The following PTPRD variants were observed in gnomAD, a reference collection of about 807,000 sequenced individuals.
The protein encoded by PTPRD is protein tyrosine phosphatase receptor type D.
A neutral mutation model predicts 214.5 loss-of-function variants in PTPRD; 34 were observed. That is an observed-to-expected ratio of 0.16 (90% confidence interval 0.12 to 0.21). The LOEUF is 0.21. PTPRD is among the 10% of genes least tolerant of loss of function. The pLI is 1.00. For synonymous variants in PTPRD, 1,128 were observed against 845.7 expected (o/e 1.33, Z -5.79); for missense variants, 2,545 against 2,398.7 (o/e 1.06, Z -1.27).
intron 3 of PTPRD, among the ~76,000 whole-genome samples, chr9:10,268,184 G>A (rs1244508183): frequency 6.7e-6 from 1 of 149,892 alleles, no homozygotes; most frequent in African/African-American, 2.5e-5. Flanking sequence ...TAGCTACTCA[G>A]GAGGCTGATG....
At chr9:8,597,057 T>C (rs538483076) in intron 14 of PTPRD, among the ~76,000 whole-genome samples, 8 of 152,252 alleles carry the variant, frequency 5.3e-5, no homozygotes, top group Middle Eastern at 3.4e-3. Context: ...AATAAATCAA[T>C]TGTAACAGAA....
chr9:10,141,725 T>C (rs1010913301), intron 3 of PTPRD, among the ~76,000 whole-genome samples: 52 of 152,198 alleles, frequency 3.4e-4, no homozygotes, highest in Middle Eastern at 6.8e-3. Flanking sequence ...TAACAATGAC[T>C]TTCTTCACAG....
chr9:9,327,159 A>G (rs2184082), intron 9 of PTPRD, among the ~76,000 whole-genome samples: 112,649 of 152,082 alleles, frequency 0.74, 41,967 homozygotes, highest in East Asian at 0.91. Context: ...AAATTATTAA[A>G]CAGTAATCAC....
At chr9:8,519,757 G>T (rs2097853979) in intron 20 of PTPRD, among the ~76,000 whole-genome samples, 1 of 152,138 alleles carries the variant, frequency 6.6e-6, no homozygotes, top group Non-Finnish European at 1.5e-5. Context: ...TTGCCATTAA[G>T]ATTCACTCTT....
intron 2 of PTPRD, among the ~76,000 whole-genome samples, chr9:10,425,560 T>C (rs2098605847): frequency 1.3e-5 from 2 of 151,954 alleles, no homozygotes; most frequent in Admixed American, 6.6e-5. Context: ...TAAGAGTCCA[T>C]AATATCATGC....
chr9:8,888,510 G>T (rs1256132105), intron 11 of PTPRD, among the ~76,000 whole-genome samples: 5 of 152,128 alleles, frequency 3.3e-5, no homozygotes, highest in Non-Finnish European at 7.4e-5. Flanking sequence ...AAAACAAAAA[G>T]ATGACAAACA....
At chr9:8,997,195 T>G (rs2099400441) in intron 11 of PTPRD, among the ~76,000 whole-genome samples, 1 of 152,128 alleles carries the variant, frequency 6.6e-6, no homozygotes, top group African/African-American at 2.4e-5. Context: ...TTTTCATTAT[T>G]ATAAATAAAA....
At chr9:9,089,703 T>A (rs1193060338) in intron 10 of PTPRD, among the ~76,000 whole-genome samples, 1 of 152,198 alleles carries the variant, frequency 6.6e-6, no homozygotes, top group Non-Finnish European at 1.5e-5. Context: ...GATTTTATAA[T>A]GCAGAGTAAG....
chr9:8,578,646 T>G (rs1204131998), intron 14 of PTPRD, among the ~76,000 whole-genome samples: 1 of 152,116 alleles, frequency 6.6e-6, no homozygotes, highest in African/African-American at 2.4e-5. Flanking sequence ...CACACTAGCT[T>G]CAAGTATTTA....
chr9:9,426,441 C>A (rs2142953697), intron 8 of PTPRD, among the ~76,000 whole-genome samples: 1 of 152,290 alleles, frequency 6.6e-6, no homozygotes, highest in South Asian at 2.1e-4. Context: ...CACCGCAGCT[C>A]AAGGAGGCCT....
chr9:9,890,446 GC>G (rs1238182917), intron 5 of PTPRD, among the ~76,000 whole-genome samples: 4 of 151,978 alleles, frequency 2.6e-5, no homozygotes, highest in African/African-American at 7.2e-5. Context: ...CAATCTGCCT[GC>G]CTTGGCCTCC....
chr9:9,239,357 C>G (rs1215428834), intron 9 of PTPRD, among the ~76,000 whole-genome samples: 1 of 152,092 alleles, frequency 6.6e-6, no homozygotes, highest in Admixed American at 6.6e-5. Context: ...TTGTCAGCAT[C>G]AAATATAATA....
chr9:8,898,326 T>C (rs1258060228), intron 11 of PTPRD, among the ~76,000 whole-genome samples: 1 of 151,176 alleles, frequency 6.6e-6, no homozygotes. Context: ...AAGCAAAGAG[T>C]TGGGGATAGA....
chr9:9,118,698 T>C (rs1468045994), intron 10 of PTPRD, among the ~76,000 whole-genome samples: 11 of 152,174 alleles, frequency 7.2e-5, no homozygotes, highest in Non-Finnish European at 7.3e-5. Flanking sequence ...CTTGCAAGCA[T>C]AGACAGCTGA....
intron 5 of PTPRD, among the ~76,000 whole-genome samples, chr9:9,915,465 G>A (rs2080457914): frequency 6.6e-6 from 1 of 151,174 alleles, no homozygotes; most frequent in Non-Finnish European, 1.5e-5. Flanking sequence ...AGAGAATACA[G>A]ATAAACAATT....
At chr9:9,692,810 C>T (rs1048805799) in intron 7 of PTPRD, among the ~76,000 whole-genome samples, 9 of 151,686 alleles carry the variant, frequency 5.9e-5, no homozygotes, top group African/African-American at 1.9e-4. Context: ...TTTCTTTCAT[C>T]AGTGTTTTAT....
intron 3 of PTPRD, among the ~76,000 whole-genome samples, chr9:10,134,736 AC>A (rs2098929612): frequency 6.6e-6 from 1 of 152,154 alleles, no homozygotes; most frequent in African/African-American, 2.4e-5. Context: ...AACAAAAGCA[AC>A]TGCGAAAAGA....
Position 9,899,260 on chromosome 9 carries a change from G to A in PTPRD, c.-368+39247C>T, listed in dbSNP as rs1160754986. Among the ~76,000 whole-genome samples, 3 of 151,992 alleles carry A rather than the reference G, an allele frequency of 2.0e-5. 1 individual carries two copies. The South Asian group carries it at 6.2e-4, about 31-fold the overall frequency. On this transcript the variant is annotated intron_variant, in intron 5 of 45. Coordinates refer to ENST00000381196, the MANE Select transcript of PTPRD (RefSeq NM_002839.4). ...AGATCTAAATAATGGAGAGTGTGAA[G>A]AGAGACTATGAAATGGGAAAAAAGT...
At chr9:8,905,376 C>T (rs1199833592) in intron 11 of PTPRD, among the ~76,000 whole-genome samples, 2 of 151,664 alleles carry the variant, frequency 1.3e-5, no homozygotes, top group African/African-American at 4.8e-5. Context: ...ACATTATGGC[C>T]CTCCAGATGC....
Sources: gnomAD v4.1 joint callset for allele counts (sites outside exome capture counted in the v4.1 genomes callset) on GRCh38, gnomAD v4.1.1 for gene constraint, MANE v1.5 for transcripts, NCBI Gene and HGNC (gene_info 2026-07-23, HGNC 2026-07-21) for gene names.